The following SIN3B variants were observed in gnomAD, a reference collection of about 807,000 sequenced individuals.
The protein encoded by SIN3B is paired amphipathic helix protein Sin3b.
Under a neutral mutation model 120.2 loss-of-function variants are expected in SIN3B, and 19 were observed. The ratio of observed to expected loss-of-function variants is 0.16; its 90% CI spans 0.11 to 0.23. The LOEUF (loss-of-function observed/expected upper bound fraction) is 0.23, where lower values mean the gene tolerates loss of function less well. SIN3B is among the 10% of genes least tolerant of loss of function. SIN3B has a pLI of 1.00. For synonymous variants in SIN3B, 654 were observed against 653.2 expected, an observed-to-expected ratio of 1.00 and a Z score of -0.02; for missense variants, 1,073 against 1,573.0, an observed-to-expected ratio of 0.68 and a Z score of 5.38.
intron 8 of SIN3B, among the ~76,000 whole-genome samples, chr19:16,859,326 A>T (rs1356900989): frequency 6.8e-6 from 1 of 147,754 alleles, no homozygotes. Context: ...TTCGGTGTGT[A>T]TTTTTTTTTT....
chr19:16,853,723 C>T (rs1239645574), intron 7 of SIN3B, among the ~76,000 whole-genome samples: 1 of 139,886 alleles, frequency 7.1e-6, no homozygotes, highest in Non-Finnish European at 1.5e-5. Context: ...GCGTGAATTG[C>T]ACGGATCACA....
Position 16,877,611 on chromosome 19 carries a change from T to G in SIN3B, c.2926T>G (p.Phe976Val), listed in dbSNP as rs766170546. Residue 976 changes from phenylalanine (F) to valine (V), a missense_variant, in exon 17 of 19, where the codon TTC (phenylalanine) becomes GTC (valine). Phe to Val is a conservative substitution (Grantham distance 50). This residue lies in a region of SIN3B where 311 missense variants were observed against 400.3 expected (regional missense o/e 0.78). Transcript: ENST00000248054. ...EGASSSPTEG[F>V]LLKPVFLQRN... ...CGCGTCCAGCTCGCCCACTGAGGGC[T>G]TCCTCCTGAAACCTGTGTTCCTGCA... 1.2e-6 allele frequency: 2 copies of G among 1,611,894 alleles called. No individual in the cohort carries two copies. The highest frequency in any genetic ancestry group is 1.3e-5 in the African/African-American group (1 of 74,916).
At chr19:16,864,151 G>A (rs1453197609) in intron 10 of SIN3B, among the ~76,000 whole-genome samples, 4 of 152,026 alleles carry the variant, frequency 2.6e-5, no homozygotes, top group East Asian at 1.9e-4. Context: ...AAAATTAGCC[G>A]GGCGTGGTGG....
chr19:16,858,303 T>C (rs1018106460), intron 8 of SIN3B, among the ~76,000 whole-genome samples: 5 of 152,180 alleles, frequency 3.3e-5, no homozygotes, highest in Non-Finnish European at 5.9e-5. Flanking sequence ...TTCTGTGATA[T>C]TAGCCTCCCA....
chr19:16,871,593 A>C lies in SIN3B; in HGVS notation c.2592+195A>C, dbSNP rs2051512524. 1.1e-5 allele frequency: 6 copies of C among 562,984 alleles called. No homozygotes were observed. The Admixed American group carries it at 1.8e-4, about 16-fold the overall frequency. 34.9% of individuals were successfully genotyped at this position (562,984 alleles called of 1,614,324 possible). On this transcript the variant is annotated intron_variant, in intron 14 of 18. Transcript: ENST00000248054. ...GTTTGGTAACATTTGGTACATTCAC[A>C]ATATTGTGCAACCACCACCTCTGTC...
intron 16 of SIN3B, 30 bp from the exon 17 acceptor site, chr19:16,877,515 A>G: frequency 1.3e-6 from 2 of 1,532,468 alleles, no homozygotes; most frequent in Non-Finnish European, 1.8e-6. Context: ...CTGTAGGGGC[A>G]TCACGGGCTG....
At chr19:16,874,867 G>A (rs750945629) in intron 14 of SIN3B, among the ~76,000 whole-genome samples, 3 of 147,492 alleles carry the variant, frequency 2.0e-5, no homozygotes, top group Non-Finnish European at 4.5e-5. Context: ...TTTGGTTTTA[G>A]TCTGGTCTAG....
At chr19:16,837,685 A>G (rs1373041633) in intron 3 of SIN3B, among the ~76,000 whole-genome samples, 1 of 152,044 alleles carries the variant, frequency 6.6e-6, no homozygotes, top group African/African-American at 2.4e-5. Flanking sequence ...AAGTGCCCTG[A>G]GTGATGGGGA....
chr19:16,832,536 T>TTTTTTAA (rs1971292991), intron 3 of SIN3B, among the ~76,000 whole-genome samples: 1 of 150,584 alleles, frequency 6.6e-6, no homozygotes. Flanking sequence ...GTTCTCACTC[T>TTTTTTAA]GTTGCCCAGG....
chr19:16,861,763 CAAAAAAA>C (rs959913779), intron 8 of SIN3B, among the ~76,000 whole-genome samples: 4 of 74,494 alleles, frequency 5.4e-5, no homozygotes, highest in East Asian at 8.1e-4. Flanking sequence ...AACTCTGTCT[CAAAAAAA>C]AAAAAAAAAA....
At chr19:16,854,536 A>C (rs1971587336) in intron 8 of SIN3B, 1 of 350,868 alleles carries the variant, frequency 2.9e-6, no homozygotes, top group African/African-American at 2.2e-5. Context: ...TTCATTTAAC[A>C]CTGTTTTAAC....
Position 16,829,500 on chromosome 19 carries a change from G to T in SIN3B, c.80G>T (p.Gly27Val), listed in dbSNP as rs1355644369. ...AGRGLSGARW[G>V]RSGSAGHEKL... ...CGGGGGCTGAGCGGCGCCCGCTGGG[G>T]TCGCTCGGGCTCCGCAGGCCACGAG... The change falls in exon 1 of 19, where the codon GGT becomes GTT. Residue 27 changes from glycine (G) to valine (V), a missense_variant. Physicochemically the swap from Gly to Val is moderately radical, Grantham distance 109. Transcript: ENST00000248054. The T allele has an allele frequency of 1.6e-6, 2 of 1,223,750 alleles. No individual in the cohort carries two copies. Among genetic ancestry groups the T allele is most frequent in the Non-Finnish European group, 2.0e-6 (2 of 982,680 alleles). The allele number at this position is 1,223,750 out of a possible 1,614,324, so 75.8% of individuals were successfully genotyped here.
rs1971705615 is a variant in SIN3B at position 16,862,678 on chromosome 19, G to A, written c.1266+119G>A. On this transcript the variant is annotated intron_variant, in intron 9 of 18. Coordinates refer to ENST00000248054, the MANE Select transcript of SIN3B (RefSeq NM_001297595.2). This position sits in a 1 kb window ranked among gnomAD's most constrained non-coding sequence, Gnocchi z 4.7. ...TGTGTGCTCAGCCCTCCTGAATGTT[G>A]GGTTATGGGTGGTGCTGGGATGTGG... The A allele has an allele frequency of 8.5e-7, 1 of 1,172,870 alleles. No individual in the cohort carries two copies. The highest frequency in any genetic ancestry group is 2.4e-5 in the East Asian group (1 of 42,516). The allele number at this position is 1,172,870 out of a possible 1,614,324, so 72.7% of individuals were successfully genotyped here. A position where few individuals can be genotyped will look rare whatever the true frequency, so the allele number is the denominator to read the frequency against.
At chr19:16,851,570 G>A (rs759537803) in intron 6 of SIN3B, 36 bp downstream of exon 6, 20 of 1,540,726 alleles carry the variant, frequency 1.3e-5, no homozygotes, top group East Asian at 2.4e-5. Context: ...GCCTGCACGC[G>A]GGGCCCCCAG....
rs150753366 is a variant in SIN3B at position 16,838,481 on chromosome 19, G to A, written c.382-3287G>A. 2.6e-4 allele frequency among the ~76,000 whole-genome samples: 40 copies of A among 152,158 alleles called. No homozygotes were observed. The East Asian group carries it at 6.4e-3, about 24-fold the overall frequency. ...TCTCACTCAGCATCGTGTTTTCCGG[G>A]GTCATTCACATCGGAGCCGGTATCA... On this transcript the variant is annotated intron_variant, in intron 3 of 18. Transcript: ENST00000248054.
At chr19:16,877,254 C>CT (rs2051620758) in intron 16 of SIN3B, 1 of 431,416 alleles carries the variant, frequency 2.3e-6, no homozygotes, top group South Asian at 3.2e-5. Context: ...GGCGGTGCTC[C>CT]TGCCAAAGGC....
At chr19:16,845,130 C>T (rs1384885921) in intron 4 of SIN3B, among the ~76,000 whole-genome samples, 1 of 152,186 alleles carries the variant, frequency 6.6e-6, no homozygotes, top group Non-Finnish European at 1.5e-5. Context: ...TCAAAATAAG[C>T]ATTCTAGCAG....
chr19:16,842,043 T>C (rs1568414122), intron 4 of SIN3B, 75 bp downstream of exon 4: 3 of 1,225,286 alleles, frequency 2.4e-6, no homozygotes, highest in Non-Finnish European at 3.5e-6. Context: ...ATTCAGATTT[T>C]CTTGTCGGAA....
At chr19:16,856,206 G>A (rs1276635450) in intron 8 of SIN3B, among the ~76,000 whole-genome samples, 23 of 152,122 alleles carry the variant, frequency 1.5e-4, no homozygotes, top group Admixed American at 1.1e-3. Flanking sequence ...AAACAACTGC[G>A]CACACTCGTA....
Sources: allele counts gnomAD v4.1 joint callset (sites outside exome capture counted in the v4.1 genomes callset), GRCh38; gene constraint gnomAD v4.1.1; regional missense constraint gnomAD v4.1.1; non-coding constraint Gnocchi (gnomAD v3.1); transcripts MANE v1.5; gene names NCBI Gene and HGNC (gene_info 2026-07-23, HGNC 2026-07-21).